Variants in YEATS4 observed in about 807,000 individuals in gnomAD.
YEATS4 encodes the protein YEATS domain-containing protein 4.
A neutral mutation model predicts 30.1 loss-of-function variants in YEATS4; 17 were observed. That is an observed-to-expected ratio of 0.56 (90% confidence interval 0.39 to 0.85). The LOEUF (loss-of-function observed/expected upper bound fraction) is 0.85, where lower values mean the gene tolerates loss of function less well. Among genes scored for constraint, YEATS4 ranks in the 40% least tolerant of loss-of-function variants. The pLI is 0.00. For missense variants in YEATS4, 142 were observed against 268.3 expected (o/e 0.53, Z 3.29); for synonymous variants, 85 against 87.5 (o/e 0.97, Z 0.16).
the YEATS4 span, among the ~76,000 whole-genome samples, chr12:69,420,808 T>A: frequency 6.6e-6 from 1 of 152,156 alleles, no homozygotes; most frequent in African/African-American, 2.4e-5. Context: ...TTCCCTTCCA[T>A]CCCCGGCCTC....
the YEATS4 span, among the ~76,000 whole-genome samples, chr12:69,425,011 C>G: frequency 6.6e-6 from 1 of 152,214 alleles, no homozygotes. Context: ...CCTCCGCCTC[C>G]TGGGTTCAAG....
chr12:69,409,617 A>T, the YEATS4 span, among the ~76,000 whole-genome samples: 2 of 140,140 alleles, frequency 1.4e-5, no homozygotes, highest in African/African-American at 6.0e-5. Flanking sequence ...ACTCTGTTTA[A>T]AAAAAAAAAA....
chr12:69,398,888 C>T, the YEATS4 span, among the ~76,000 whole-genome samples: 23 of 151,374 alleles, frequency 1.5e-4, no homozygotes, highest in Non-Finnish European at 2.9e-4. Context: ...TGGTGGCTCA[C>T]GCCTGTAATC....
In YEATS4 at chr12:69,359,998, G is replaced by A; in HGVS notation, c.26G>A (p.Gly9Glu). MFKRMAEF[G>E]PDSGGRVKGV... The stretch of plus-strand genomic sequence containing the variant: ...ATGTTCAAGAGAATGGCCGAATTTG[G>A]GCCTGACTCCGGCGGGAGAGTAAAG... The change falls in exon 1 of 7, where the codon GGG becomes GAG. Residue 9 changes from glycine to glutamate, a missense_variant. Around this residue, in one of 3 missense-constraint regions of YEATS4, gnomAD observed 25 missense variants for 35.7 expected, o/e 0.70. Transcript: ENST00000247843. 1 of 1,613,670 alleles carries A rather than the reference G, an allele frequency of 6.2e-7. No homozygotes were observed. The highest frequency in any genetic ancestry group is 8.5e-7 in the Non-Finnish European group (1 of 1,179,796).
downstream of YEATS4, among the ~76,000 whole-genome samples, chr12:69,394,728 C>A (rs1342684211): frequency 6.6e-6 from 1 of 152,080 alleles, no homozygotes; most frequent in Non-Finnish European, 1.5e-5. Context: ...CCAACTCAAG[C>A]TCCTCAAACT....
intron 4 of YEATS4, among the ~76,000 whole-genome samples, chr12:69,369,738 A>C (rs1381223850): frequency 2.0e-5 from 3 of 151,948 alleles, no homozygotes; most frequent in African/African-American, 7.3e-5. Flanking sequence ...ATGCTCTCTT[A>C]TTTTGCTGTT....
chr12:69,405,008 G>A, the YEATS4 span, among the ~76,000 whole-genome samples: 43 of 152,350 alleles, frequency 2.8e-4, no homozygotes, highest in South Asian at 3.5e-3. Flanking sequence ...ACAGAAAGAA[G>A]CAGAGAGAGA....
At chr12:69,413,514 C>CCA in the YEATS4 span, among the ~76,000 whole-genome samples, 1 of 138,566 alleles carries the variant, frequency 7.2e-6, no homozygotes, top group African/African-American at 2.6e-5. Context: ...TTCAACGCCC[C>CCA]CCCCATCTCC....
At chr12:69,380,086 G>C (rs1452334058) in intron 6 of YEATS4, among the ~76,000 whole-genome samples, 1 of 152,208 alleles carries the variant, frequency 6.6e-6, no homozygotes, top group Non-Finnish European at 1.5e-5. Context: ...GTTAGAGATT[G>C]GTCACTGATG....
At chr12:69,401,138 G>A in the YEATS4 span, 4 of 151,836 alleles carry the variant, frequency 2.6e-5, no homozygotes, top group Non-Finnish European at 4.4e-5. Context: ...GATGAGTAGT[G>A]GGATCATACC....
the YEATS4 span, among the ~76,000 whole-genome samples, chr12:69,421,493 A>G: frequency 1.3e-5 from 2 of 152,164 alleles, no homozygotes; most frequent in African/African-American, 2.4e-5. Context: ...GGCATTAGGA[A>G]TCTAGGAGAA....
chr12:69,368,781 C>G (rs2120941430), intron 4 of YEATS4, among the ~76,000 whole-genome samples: 1 of 152,328 alleles, frequency 6.6e-6, no homozygotes, highest in East Asian at 1.9e-4. Context: ...ATATCTTCCT[C>G]CATTGTCACA....
intron 1 of YEATS4, 24 bp downstream of exon 1, chr12:69,360,047 T>G: frequency 2.5e-6 from 4 of 1,610,116 alleles, no homozygotes; most frequent in Middle Eastern, 1.7e-4. Flanking sequence ...CCGCCCCTCT[T>G]CCGGGGTGGC....
intron 6 of YEATS4, among the ~76,000 whole-genome samples, chr12:69,382,376 G>A (rs1158396489): frequency 6.6e-6 from 1 of 152,198 alleles, no homozygotes; most frequent in East Asian, 1.9e-4. Context: ...CTGGTGCTCT[G>A]TTTTACTGTG....
At chr12:69,398,325 A>C in the YEATS4 span, among the ~76,000 whole-genome samples, 1 of 152,174 alleles carries the variant, frequency 6.6e-6, no homozygotes, top group Non-Finnish European at 1.5e-5. Flanking sequence ...ACACACACAA[A>C]AAAACTATTA....
At chr12:69,395,564 GACTA>G (rs769215471), downstream of YEATS4, among the ~76,000 whole-genome samples, 6 of 62,858 alleles carry the variant, frequency 9.5e-5, no homozygotes, top group Admixed American at 1.4e-4. Flanking sequence ...GAATTTTAGG[GACTA>G]ACTATCTTCA....
intron 2 of YEATS4, 63 bp from the exon 3 acceptor site, chr12:69,365,570 G>C: frequency 8.6e-7 from 1 of 1,161,412 alleles, no homozygotes; most frequent in Non-Finnish European, 1.3e-6. Context: ...TATACGCTCA[G>C]TGTATTTTTT....
chr12:69,416,166 C>T, the YEATS4 span, among the ~76,000 whole-genome samples: 18 of 152,196 alleles, frequency 1.2e-4, no homozygotes, highest in Non-Finnish European at 2.1e-4. Context: ...GTGTGTGCCG[C>T]TGCCACCATC....
At chr12:69,396,426 G>T in the YEATS4 span, among the ~76,000 whole-genome samples, 1 of 152,158 alleles carries the variant, frequency 6.6e-6, no homozygotes, top group East Asian at 1.9e-4. Context: ...CTCCCCCAAA[G>T]CTTAGAGGAG....
Sources: allele counts gnomAD v4.1 joint callset (sites outside exome capture counted in the v4.1 genomes callset), GRCh38; gene constraint gnomAD v4.1.1; regional missense constraint gnomAD v4.1.1; transcripts MANE v1.5; gene names NCBI Gene and HGNC (gene_info 2026-07-23, HGNC 2026-07-21).